The following CSGALNACT1 variants were observed in gnomAD, a reference collection of about 807,000 sequenced individuals.
CSGALNACT1 encodes chondroitin sulfate N-acetylgalactosaminyltransferase 1.
A neutral mutation model predicts 51.0 loss-of-function variants in CSGALNACT1; 52 were observed. The observed-to-expected ratio is 1.02, with a 90% CI of 0.82 to 1.29. CSGALNACT1 has a LOEUF of 1.29. Among genes scored for constraint, CSGALNACT1 ranks in the 50% most tolerant of loss-of-function variants. The pLI is 0.00. For synonymous variants in CSGALNACT1, 341 were observed against 254.4 expected (o/e 1.34, Z -3.24); for missense variants, 935 against 679.2 (o/e 1.38, Z -4.19).
intron 5 of CSGALNACT1, among the ~76,000 whole-genome samples, chr8:19,447,638 C>A (rs562324768): frequency 6.6e-6 from 1 of 152,304 alleles, no homozygotes; most frequent in African/African-American, 2.4e-5. Flanking sequence ...AAACAGATCT[C>A]CAGACCTTGC....
At chr8:19,471,429 G>T (rs1207486261) in intron 4 of CSGALNACT1, among the ~76,000 whole-genome samples, 1 of 152,002 alleles carries the variant, frequency 6.6e-6, no homozygotes, top group East Asian at 1.9e-4. Flanking sequence ...GTACCCACTT[G>T]GGTCTCTTTC....
At chr8:19,594,996 C>T (rs1184140110) in intron 2 of CSGALNACT1, among the ~76,000 whole-genome samples, 3 of 152,192 alleles carry the variant, frequency 2.0e-5, no homozygotes, top group Non-Finnish European at 4.4e-5. Flanking sequence ...GCCCTGTCTG[C>T]AAGTTTTTAT....
intron 1 of CSGALNACT1, among the ~76,000 whole-genome samples, chr8:19,666,301 C>T (rs1425224730): frequency 6.6e-6 from 1 of 152,116 alleles, no homozygotes; most frequent in East Asian, 1.9e-4. Context: ...GGAATAGAAG[C>T]CCAGACAAAA....
At position 19,639,253 on chromosome 8, in the gene CSGALNACT1, G is replaced by T. The variant is rs2056460064; in HGVS notation, c.-543-37388C>A. ...TATGTCCAAATGGGAGAGGAGAAAGGCACAGCATGCTTGCCCTTGGTTAAG... is the reference window on the plus strand; with the variant it reads ...TATGTCCAAATGGGAGAGGAGAAAGTCACAGCATGCTTGCCCTTGGTTAAG... On this transcript the variant is annotated intron_variant, in intron 1 of 9. Transcript: ENST00000332246. Among the ~76,000 whole-genome samples the T allele has an allele frequency of 2.0e-5, 3 of 152,152 alleles. No individual in the cohort carries two copies. The South Asian group carries it at 6.2e-4, about 32-fold the overall frequency.
chr8:19,535,220 T>G (rs1176139574), intron 3 of CSGALNACT1, among the ~76,000 whole-genome samples: 1 of 152,160 alleles, frequency 6.6e-6, no homozygotes. Flanking sequence ...AAAAGAAATA[T>G]TATTTCCTAT....
intron 4 of CSGALNACT1, 151 bp downstream of exon 3, chr8:19,505,050 C>A: frequency 1.3e-6 from 1 of 753,484 alleles, no homozygotes; most frequent in Non-Finnish European, 2.3e-6. Flanking sequence ...AAATAAAAAG[C>A]CATGCCGTAC....
At chr8:19,501,666 G>A (rs1178621002) in intron 4 of CSGALNACT1, among the ~76,000 whole-genome samples, 1 of 152,230 alleles carries the variant, frequency 6.6e-6, no homozygotes, top group Non-Finnish European at 1.5e-5. Flanking sequence ...GATTGTGAAA[G>A]AGAGTTCGGA....
chr8:19,572,188 G>C (rs1290672095), intron 3 of CSGALNACT1, among the ~76,000 whole-genome samples: 1 of 152,130 alleles, frequency 6.6e-6, no homozygotes, highest in Non-Finnish European at 1.5e-5. Flanking sequence ...AACTTTTAGA[G>C]TTCCATCTCC....
intron 3 of CSGALNACT1, among the ~76,000 whole-genome samples, chr8:19,508,744 A>C (rs950356241): frequency 6.6e-6 from 1 of 152,256 alleles, no homozygotes; most frequent in Non-Finnish European, 1.5e-5. Flanking sequence ...TGTGTTGTGG[A>C]AACTTAAATT....
chr8:19,599,413 A>AAAGG (rs1242872439), intron 2 of CSGALNACT1, among the ~76,000 whole-genome samples: 9 of 146,926 alleles, frequency 6.1e-5, no homozygotes, highest in Non-Finnish European at 1.0e-4. Flanking sequence ...AAAAGGAAAG[A>AAAGG]AAGGAAGGAA....
intron 8 of CSGALNACT1, among the ~76,000 whole-genome samples, chr8:19,416,665 A>G (rs542327247): frequency 6.6e-6 from 1 of 152,310 alleles, no homozygotes; most frequent in South Asian, 2.1e-4. Flanking sequence ...AATTGCCTGT[A>G]GTATTCAGGA....
intron 8 of CSGALNACT1, among the ~76,000 whole-genome samples, chr8:19,409,564 A>G (rs2055201214): frequency 6.6e-6 from 1 of 152,210 alleles, no homozygotes; most frequent in Admixed American, 6.5e-5. Context: ...TATTCAGCTG[A>G]GAGAACTCTG....
At chr8:19,631,653 T>A (rs939016843) in intron 1 of CSGALNACT1, among the ~76,000 whole-genome samples, 1 of 152,202 alleles carries the variant, frequency 6.6e-6, no homozygotes, top group Non-Finnish European at 1.5e-5. Context: ...AGTCAAAATG[T>A]GTCCCTTCAC....
intron 5 of CSGALNACT1, among the ~76,000 whole-genome samples, chr8:19,455,054 C>T (rs1446542713): frequency 5.3e-5 from 8 of 152,166 alleles, no homozygotes; most frequent in Non-Finnish European, 7.3e-5. Flanking sequence ...TGCAGATATG[C>T]AAAGAAAATT....
chr8:19,631,094 A>G (rs2055192965), intron 1 of CSGALNACT1, among the ~76,000 whole-genome samples: 1 of 152,226 alleles, frequency 6.6e-6, no homozygotes, highest in African/African-American at 2.4e-5. Flanking sequence ...TGGTCTATCC[A>G]TGCATCTCCT....
chr8:19,457,796 C>G, intron 5 of CSGALNACT1: 2 of 1,351,520 alleles, frequency 1.5e-6, no homozygotes, highest in Non-Finnish European at 2.0e-6. Flanking sequence ...AGGCACACAT[C>G]TAAAAACTTC....
At chr8:19,657,527 G>C (rs1381096164) in intron 1 of CSGALNACT1, among the ~76,000 whole-genome samples, 3 of 152,042 alleles carry the variant, frequency 2.0e-5, no homozygotes, top group African/African-American at 7.2e-5. Flanking sequence ...TACACAAATA[G>C]AATGAAAAGA....
rs563230510 is a variant in CSGALNACT1 at position 19,696,407 on chromosome 8, C to T, written c.-297+61443G>A. ...AAGGCAGGCCTTCCCTCAAGGGGCTCACTGTTTAGCAGGAGAGAACAACAT... is the reference window on the plus strand; with the variant it reads ...AAGGCAGGCCTTCCCTCAAGGGGCTTACTGTTTAGCAGGAGAGAACAACAT... On this transcript the variant is annotated intron_variant, in intron 1 of 1. Coordinates refer to the CSGALNACT1 transcript ENST00000517494. 7.9e-5 allele frequency among the ~76,000 whole-genome samples: 12 copies of T among 152,272 alleles called. 2 individuals are homozygous for T. Among genetic ancestry groups the T allele is most frequent in the African/African-American group, 2.9e-4 (12 of 41,540 alleles).
chr8:19,434,203 T>G (rs1014391218), intron 6 of CSGALNACT1, among the ~76,000 whole-genome samples: 6 of 152,254 alleles, frequency 3.9e-5, no homozygotes, highest in Non-Finnish European at 7.3e-5. Flanking sequence ...TTACTCCATT[T>G]TCACTGCTCT....
Sources: allele counts gnomAD v4.1 joint callset (sites outside exome capture counted in the v4.1 genomes callset), GRCh38; gene constraint gnomAD v4.1.1; transcripts MANE v1.5; gene names NCBI Gene and HGNC (gene_info 2026-07-23, HGNC 2026-07-21).